NRG1: variants seen among roughly 807,000 people sequenced by gnomAD.
NRG1 encodes the protein pro-neuregulin-1, membrane-bound isoform.
Under a neutral mutation model 63.8 loss-of-function variants are expected in NRG1, and 18 were observed. The ratio of observed to expected loss-of-function variants is 0.28; its 90% confidence interval spans 0.19 to 0.42. The LOEUF (loss-of-function observed/expected upper bound fraction) is 0.42. NRG1 is among the 10% of genes least tolerant of loss of function. NRG1 has a pLI of 1.00. For synonymous variants in NRG1, 302 were observed against 301.3 expected (o/e 1.00, Z -0.02); for missense variants, 762 against 814.7 (o/e 0.94, Z 0.79).
intron 1 of NRG1, among the ~76,000 whole-genome samples, chr8:31,687,641 A>G (rs1238031069): frequency 6.6e-6 from 1 of 152,220 alleles, no homozygotes; most frequent in East Asian, 1.9e-4. Flanking sequence ...GTAGACTCTG[A>G]TACAGGGCTT....
chr8:32,389,074 C>T (rs958457475), intron 1 of NRG1, among the ~76,000 whole-genome samples: 2 of 152,078 alleles, frequency 1.3e-5, no homozygotes, highest in African/African-American at 2.4e-5. Flanking sequence ...TGTTGAAATC[C>T]GTAATCTCTT....
intron 1 of NRG1, among the ~76,000 whole-genome samples, chr8:31,662,832 A>T (rs1488040471): frequency 6.6e-6 from 1 of 152,200 alleles, no homozygotes; most frequent in Non-Finnish European, 1.5e-5. Context: ...TATTGTTGGG[A>T]TGAAGAAGAG....
chr8:31,948,542 G>A (rs1404150462), intron 1 of NRG1, among the ~76,000 whole-genome samples: 1 of 152,142 alleles, frequency 6.6e-6, no homozygotes, highest in African/African-American at 2.4e-5. Flanking sequence ...TTAGATGGAG[G>A]TTATATTTAC....
intron 1 of NRG1, among the ~76,000 whole-genome samples, chr8:31,856,084 A>T (rs1176205040): frequency 6.6e-6 from 1 of 151,314 alleles, no homozygotes; most frequent in African/African-American, 2.4e-5. Flanking sequence ...TCTGACAATT[A>T]TGTGTCTTGG....
intron 1 of NRG1, among the ~76,000 whole-genome samples, chr8:32,437,625 G>A (rs1039407408): frequency 1.3e-5 from 2 of 152,114 alleles, no homozygotes; most frequent in African/African-American, 4.8e-5. Context: ...GGAAGAGCTT[G>A]CAAAATACCT....
intron 1 of NRG1, among the ~76,000 whole-genome samples, chr8:32,412,453 C>CATATATATATAT (rs368054524): frequency 1.3e-5 from 1 of 76,724 alleles, no homozygotes; most frequent in Non-Finnish European, 2.5e-5. Flanking sequence ...TATATATATA[C>CATATATATATAT]ATATATATAT....
intron 5 of NRG1, among the ~76,000 whole-genome samples, chr8:32,700,011 A>G (rs1448536527): frequency 6.6e-6 from 1 of 152,150 alleles, no homozygotes; most frequent in East Asian, 1.9e-4. Flanking sequence ...TGTACAACTC[A>G]TTACCACTAT....
chr8:31,956,740 G>T (rs530605689), intron 1 of NRG1, among the ~76,000 whole-genome samples: 29 of 152,308 alleles, frequency 1.9e-4, no homozygotes, highest in Non-Finnish European at 1.3e-4. Flanking sequence ...CAGCAGAACT[G>T]GGATTTGAAC....
chr8:32,144,845 T>G (rs1012196682), intron 1 of NRG1, among the ~76,000 whole-genome samples: 3 of 152,226 alleles, frequency 2.0e-5, no homozygotes, highest in Non-Finnish European at 4.4e-5. Flanking sequence ...TTTCCTTTAC[T>G]CAGTTCTAGT....
intron 1 of NRG1, among the ~76,000 whole-genome samples, chr8:32,254,266 T>G (rs1190984987): frequency 2.6e-5 from 4 of 152,210 alleles, no homozygotes; most frequent in Admixed American, 2.6e-4. Context: ...TCTCTAGTTC[T>G]TTTAACTGTG....
intron 5 of NRG1, among the ~76,000 whole-genome samples, chr8:32,641,698 A>C (rs140090834): frequency 9.6e-4 from 147 of 152,364 alleles, no homozygotes; most frequent in African/African-American, 3.2e-3. Context: ...AACACAGAGC[A>C]CAGTCAATAT....
chr8:32,604,682 G>C lies in NRG1; in HGVS notation c.279-880G>C, dbSNP rs548223960. Among the ~76,000 whole-genome samples, 77 of 152,132 alleles carry C rather than the reference G, an allele frequency of 5.1e-4. 1 individual carries two copies. The highest frequency in any genetic ancestry group is 1.8e-3 in the African/African-American group (74 of 41,524). ...TCTTGGGCCCAAGTGATTCTCTCAT[G>C]TCAGCCTCCCAAGTAGCTGGGATTC... is the stretch of plus-strand genomic sequence containing the variant. On this transcript the variant is annotated intron_variant, in intron 2 of 11. Coordinates refer to ENST00000356819, the Ensembl canonical transcript of NRG1.
At position 32,744,273 on chromosome 8, in the gene NRG1, G is replaced by T. The variant is rs183227449; in HGVS notation, c.691+1540G>T. 1.8e-3 allele frequency among the ~76,000 whole-genome samples: 280 copies of T among 152,190 alleles called. 2 individuals are homozygous for T. The highest frequency in any genetic ancestry group is 6.5e-3 in the African/African-American group (272 of 41,540). ...TAATGTGCAATCATTTATTTAGGGA[G>T]GTAGTATTTATTTATTTACATAGGC... On this transcript the variant is annotated intron_variant, in intron 7 of 11. Coordinates refer to ENST00000356819, the Ensembl canonical transcript of NRG1.
intron 1 of NRG1, among the ~76,000 whole-genome samples, chr8:32,209,675 C>A (rs1399021425): frequency 2.0e-5 from 3 of 152,076 alleles, no homozygotes; most frequent in African/African-American, 7.2e-5. Flanking sequence ...ACTTGGAGAT[C>A]ACCCACATGT....
intron 1 of NRG1, among the ~76,000 whole-genome samples, chr8:32,131,224 A>G (rs1456456500): frequency 1.3e-5 from 2 of 151,992 alleles, no homozygotes; most frequent in Non-Finnish European, 2.9e-5. Flanking sequence ...GAAAAATAAA[A>G]CATGCTTATG....
chr8:31,683,359 G>C (rs1808536451), intron 1 of NRG1, among the ~76,000 whole-genome samples: 1 of 152,108 alleles, frequency 6.6e-6, no homozygotes. Flanking sequence ...ACTATTCAGT[G>C]CTATCAGTGC....
At chr8:31,710,884 C>T (rs1179160251) in intron 1 of NRG1, among the ~76,000 whole-genome samples, 1 of 151,940 alleles carries the variant, frequency 6.6e-6, no homozygotes, top group African/African-American at 2.4e-5. Flanking sequence ...TTCATGTTTG[C>T]TTTATGTTCT....
intron 1 of NRG1, among the ~76,000 whole-genome samples, chr8:32,481,455 G>A (rs1298489860): frequency 1.3e-5 from 2 of 152,248 alleles, no homozygotes; most frequent in Non-Finnish European, 2.9e-5. Context: ...GTGCCAACGA[G>A]TGACAAAGGA....
chr8:32,629,606 T>A (rs1228752488), intron 5 of NRG1, among the ~76,000 whole-genome samples: 2 of 152,250 alleles, frequency 1.3e-5, no homozygotes, highest in Middle Eastern at 3.2e-3. Context: ...AACATTGGCT[T>A]AAATAATATT....
Sources: allele counts gnomAD v4.1 joint callset (sites outside exome capture counted in the v4.1 genomes callset), GRCh38; gene constraint gnomAD v4.1.1; transcripts MANE v1.5; gene names NCBI Gene and HGNC (gene_info 2026-07-23, HGNC 2026-07-21).